The following PDXDC1 variants were observed in gnomAD, a reference collection of about 807,000 sequenced individuals.
PDXDC1 encodes the protein pyridoxal dependent decarboxylase domain containing 1.
Under a neutral mutation model 100.1 loss-of-function variants are expected in PDXDC1, and 42 were observed. The ratio of observed to expected loss-of-function variants is 0.42; its 90% CI spans 0.33 to 0.54. PDXDC1 has a LOEUF of 0.54. Among genes scored for constraint, PDXDC1 ranks in the 20% least tolerant of loss-of-function variants. The probability of loss-of-function intolerance (pLI) is 0.10; values close to 1 mark genes in which losing one functional copy is unlikely to be tolerated. For synonymous variants in PDXDC1, 260 were observed against 371.7 expected, an observed-to-expected ratio of 0.70 and a Z score of 3.46; for missense variants, 636 against 979.2, an observed-to-expected ratio of 0.65 and a Z score of 4.68.
At chr16:15,148,436 T>C in the PDXDC1 span, among the ~76,000 whole-genome samples, 3 of 130,244 alleles carry the variant, frequency 2.3e-5, no homozygotes, top group Non-Finnish European at 4.7e-5. Flanking sequence ...CAGCCTGGAG[T>C]GCAGTGGTGT....
At chr16:15,088,434 C>T (rs1197857405) in intron 16 of PDXDC1, among the ~76,000 whole-genome samples, 1 of 152,150 alleles carries the variant, frequency 6.6e-6, no homozygotes, top group African/African-American at 2.4e-5. Context: ...GCCCATTACA[C>T]TCCAGCCCGG....
rs749990542 is a variant in PDXDC1 at position 14,984,476 on chromosome 16, CAT to C, written c.21+9275_21+9276del. 9.6e-3 allele frequency among the ~76,000 whole-genome samples: 892 copies of C among 92,578 alleles called. 8 individuals are homozygous for C. The highest frequency in any genetic ancestry group is 0.011 in the African/African-American group (275 of 25,880). The allele number at this position is 92,578 out of a possible 152,430, so 60.7% of individuals were successfully genotyped here. A position where few individuals can be genotyped will look rare whatever the true frequency, so the allele number is the denominator to read the frequency against. ...GAGAGTGTGTGTGTGTGTGTGTATA[CAT>C]ATATATATATATATATATTTTTTTT... On this transcript the variant is annotated intron_variant, in intron 1 of 22. Coordinates refer to ENST00000396410, the MANE Select transcript of PDXDC1 (RefSeq NM_015027.4).
intron 12 of PDXDC1, among the ~76,000 whole-genome samples, chr16:15,021,088 T>C (rs1348287473): frequency 6.6e-6 from 1 of 151,540 alleles, no homozygotes; most frequent in Non-Finnish European, 1.5e-5. Flanking sequence ...GTTTTAAGTA[T>C]GCTCTGGGCT....
At chr16:15,144,074 C>T (rs1313331476), downstream of PDXDC1, among the ~76,000 whole-genome samples, 1 of 152,160 alleles carries the variant, frequency 6.6e-6, no homozygotes, top group Non-Finnish European at 1.5e-5. Context: ...GCCCCATGCC[C>T]CCTGCCAGGC....
chr16:15,059,606 C>G (rs569102992), intron 16 of PDXDC1, among the ~76,000 whole-genome samples: 1 of 152,284 alleles, frequency 6.6e-6, no homozygotes, highest in Non-Finnish European at 1.5e-5. Context: ...CACTTCTCAT[C>G]AAGGAAGACC....
chr16:15,091,162 G>A (rs1218062824), intron 16 of PDXDC1, among the ~76,000 whole-genome samples: 1 of 152,104 alleles, frequency 6.6e-6, no homozygotes, highest in African/African-American at 2.4e-5. Context: ...CTTCTAGGGG[G>A]TAAAACTGTC....
At chr16:15,148,663 C>T in the PDXDC1 span, among the ~76,000 whole-genome samples, 1 of 151,714 alleles carries the variant, frequency 6.6e-6, no homozygotes, top group Non-Finnish European at 1.5e-5. Context: ...GGATTCCAGG[C>T]GTGAGTGACC....
intron 16 of PDXDC1, chr16:15,130,439 C>T: frequency 6.7e-7 from 1 of 1,486,954 alleles, no homozygotes; most frequent in Non-Finnish European, 9.3e-7. Context: ...GGTAACTCCC[C>T]ACTGGGTCTC....
At position 15,036,191 on chromosome 16, in the gene PDXDC1, C is replaced by T. The variant is rs145306597; in HGVS notation, c.2283C>T (p.Thr761=). 3.6e-5 allele frequency: 58 copies of T among 1,613,946 alleles called. No homozygotes were observed. Among genetic ancestry groups the T allele is most frequent in the South Asian group, 2.6e-4 (24 of 91,092 alleles). ...CAGGGGCTCCCAGCCCTCAGCACAC[C>T]GACCAGACCGAGGCCTTCCAGAAAG... ...GHPGAPSPQH[T]DQTEAFQKGV... The change falls in exon 23 of 23, where the codon ACC becomes ACT. Residue 761 remains threonine, a synonymous_variant. Coordinates refer to ENST00000396410, the MANE Select transcript of PDXDC1 (RefSeq NM_015027.4).
chr16:15,062,659 C>T (rs570220298), intron 16 of PDXDC1, among the ~76,000 whole-genome samples: 1 of 152,306 alleles, frequency 6.6e-6, no homozygotes, highest in African/African-American at 2.4e-5. Flanking sequence ...CATGAGTCAA[C>T]TGGAGATTGT....
downstream of PDXDC1, chr16:15,039,985 G>T: frequency 6.2e-7 from 1 of 1,601,470 alleles, no homozygotes. Flanking sequence ...TCCTGCTAAA[G>T]TTCGCGCAGC....
At chr16:15,011,251 G>A (rs1222978590) in intron 8 of PDXDC1, among the ~76,000 whole-genome samples, 1 of 152,304 alleles carries the variant, frequency 6.6e-6, no homozygotes, top group Non-Finnish European at 1.5e-5. Context: ...AGACTCATGT[G>A]AAGTATATGG....
At chr16:15,100,891 C>T (rs1463824104) in intron 16 of PDXDC1, among the ~76,000 whole-genome samples, 3 of 152,086 alleles carry the variant, frequency 2.0e-5, no homozygotes, top group Admixed American at 6.6e-5. Context: ...GAGGCTGAGA[C>T]GTGAGGATCA....
intron 16 of PDXDC1, chr16:15,133,105 G>C (rs2048187144): frequency 6.4e-6 from 4 of 621,022 alleles, no homozygotes; most frequent in South Asian, 5.8e-5. Flanking sequence ...CGGTGGGTGT[G>C]GCTGCTGGGA....
Position 15,037,913 on chromosome 16 carries a change from A to G in PDXDC1, c.*1638A>G. 1 of 639,086 alleles carries G rather than the reference A, an allele frequency of 1.6e-6. No homozygotes were observed. The highest frequency in any genetic ancestry group is 2.6e-5 in the East Asian group (1 of 37,828). 39.6% of individuals were successfully genotyped at this position (639,086 alleles called of 1,614,324 possible). The stretch of plus-strand genomic sequence containing the variant: ...ATTTGATGAAAGTCATTTGAAAGAC[A>G]CTGAGGAGGGAAGGAGGCCTAAGAC... On this transcript the variant is annotated 3_prime_UTR_variant, in exon 23 of 23. Coordinates refer to ENST00000396410, the MANE Select transcript of PDXDC1 (RefSeq NM_015027.4).
intron 6 of PDXDC1, among the ~76,000 whole-genome samples, chr16:15,008,140 CT>C (rs1193925420): frequency 1.3e-5 from 2 of 152,274 alleles, no homozygotes; most frequent in African/African-American, 4.8e-5. Flanking sequence ...GAAAAATGTG[CT>C]TATTAAATTT....
chr16:14,989,214 C>T lies in PDXDC1; in HGVS notation c.22-8539C>T, dbSNP rs531781192. The stretch of plus-strand genomic sequence containing the variant: ...CTCCAAGAGCTCCAGCATTTCCTTC[C>T]GTGCCAAGTCCTGCAGCGCCTTGAG... On this transcript the variant is annotated intron_variant, in intron 1 of 22. Coordinates refer to ENST00000396410, the MANE Select transcript of PDXDC1 (RefSeq NM_015027.4). The T allele has an allele frequency of 5.6e-5, 91 of 1,614,252 alleles. No homozygotes were observed. In the East Asian group the frequency reaches 1.6e-3, roughly 28 times the overall value.
At chr16:15,082,586 T>C (rs541694993) in intron 16 of PDXDC1, among the ~76,000 whole-genome samples, 14 of 151,194 alleles carry the variant, frequency 9.3e-5, no homozygotes, top group African/African-American at 2.7e-4. Flanking sequence ...GGTGGGAGAG[T>C]CACTTGAACC....
chr16:15,125,056 A>G (rs2151900401), intron 16 of PDXDC1, among the ~76,000 whole-genome samples: 1 of 148,396 alleles, frequency 6.7e-6, no homozygotes, highest in African/African-American at 2.5e-5. Context: ...CTGAGGCAGG[A>G]CAATCCCTTG....
Sources: gnomAD v4.1 joint callset for allele counts (sites outside exome capture counted in the v4.1 genomes callset) on GRCh38, gnomAD v4.1.1 for gene constraint, MANE v1.5 for transcripts, NCBI Gene and HGNC (gene_info 2026-07-23, HGNC 2026-07-21) for gene names.